USP15: variants seen among roughly 807,000 people sequenced by gnomAD.
The protein encoded by USP15 is ubiquitin carboxyl-terminal hydrolase 15.
USP15 carries 18 observed loss-of-function variants against 127.1 expected under a neutral mutation model. That is an observed-to-expected ratio of 0.14 (90% confidence interval 0.10 to 0.21). USP15 has a LOEUF of 0.21. Among genes scored for constraint, USP15 ranks in the 10% least tolerant of loss-of-function variants. USP15 has a pLI of 1.00. For synonymous variants in USP15, 364 were observed against 393.7 expected (o/e 0.92, Z 0.89); for missense variants, 805 against 1,159.9 (o/e 0.69, Z 4.44).
chr12:62,401,605 A>T (rs2067691141), intron 21 of USP15, among the ~76,000 whole-genome samples: 1 of 151,956 alleles, frequency 6.6e-6, no homozygotes, highest in East Asian at 1.9e-4. Flanking sequence ...TTAAAGCCAG[A>T]ATGTTTAAAC....
At chr12:62,372,968 T>TA (rs1243255873) in intron 8 of USP15, among the ~76,000 whole-genome samples, 1 of 152,122 alleles carries the variant, frequency 6.6e-6, no homozygotes, top group Non-Finnish European at 1.5e-5. Context: ...AATAGCCTGT[T>TA]ACTAAAAATA....
At chr12:62,280,471 G>A (rs2063615950) in intron 1 of USP15, among the ~76,000 whole-genome samples, 2 of 152,170 alleles carry the variant, frequency 1.3e-5, no homozygotes, top group South Asian at 2.1e-4. Context: ...GTACTGGCAG[G>A]TTCTGTGTCT....
At chr12:62,394,640 G>A (rs1332787224) in intron 19 of USP15, among the ~76,000 whole-genome samples, 1 of 152,070 alleles carries the variant, frequency 6.6e-6, no homozygotes, top group Non-Finnish European at 1.5e-5. Flanking sequence ...ACAAGGTCAG[G>A]AGAGCAAGAC....
At chr12:62,361,667 A>G (rs1377682608) in intron 8 of USP15, among the ~76,000 whole-genome samples, 2 of 152,002 alleles carry the variant, frequency 1.3e-5, no homozygotes, top group Admixed American at 6.6e-5. Context: ...AAGAAATGTC[A>G]ATCTGTAGTC....
chr12:62,395,107 G>C (rs2067446178), intron 19 of USP15, among the ~76,000 whole-genome samples: 1 of 152,000 alleles, frequency 6.6e-6, no homozygotes, highest in African/African-American at 2.4e-5. Context: ...AAAAATTAAG[G>C]TTTGATATAT....
intron 3 of USP15, among the ~76,000 whole-genome samples, chr12:62,307,132 A>G (rs947888404): frequency 6.6e-6 from 1 of 152,118 alleles, no homozygotes; most frequent in Non-Finnish European, 1.5e-5. Flanking sequence ...GGAGACCTAC[A>G]TTGTTTTCGA....
rs191981279 is a variant in USP15, at chr12:62,376,095, A to G, written c.916-5395A>G. Reference sequence around the variant, plus strand: ...ACCAGTCATTATATCATGGTTAGTGAGCTCCAAAAGTCTACCATATACTAA... The same window carrying G: ...ACCAGTCATTATATCATGGTTAGTGGGCTCCAAAAGTCTACCATATACTAA... On this transcript the variant is annotated intron_variant, in intron 8 of 21. Transcript: ENST00000280377. Among the ~76,000 whole-genome samples the G allele has an allele frequency of 2.0e-5, 3 of 152,246 alleles. No homozygotes were observed. In the East Asian group the frequency reaches 5.8e-4, roughly 29 times the overall value.
At chr12:62,336,565 A>G in intron 6 of USP15, 1 of 852,286 alleles carries the variant, frequency 1.2e-6, no homozygotes. Flanking sequence ...AATATTTGTC[A>G]TATTCGAAAT....
intron 1 of USP15, among the ~76,000 whole-genome samples, chr12:62,293,420 G>C (rs141668153): frequency 1.3e-5 from 2 of 152,026 alleles, no homozygotes; most frequent in Non-Finnish European, 2.9e-5. Context: ...GCAGTGGTGC[G>C]ATCCCGGCTC....
rs542431946 is a variant in USP15, at chr12:62,280,040, A to G, written c.90-14139A>G. On this transcript the variant is annotated intron_variant, in intron 1 of 21. Coordinates refer to ENST00000280377, the MANE Select transcript of USP15 (RefSeq NM_001252078.2). ...TGTGTGTATATATACTCCATCTGAA[A>G]TTAAGATAATAGTACCTACTTCATT... 3.3e-5 allele frequency among the ~76,000 whole-genome samples: 5 copies of G among 152,290 alleles called. No individual in the cohort carries two copies. The South Asian group carries it at 1.0e-3, about 32-fold the overall frequency.
At chr12:62,300,705 T>G (rs2064286662) in intron 2 of USP15, among the ~76,000 whole-genome samples, 1 of 152,136 alleles carries the variant, frequency 6.6e-6, no homozygotes, top group Admixed American at 6.5e-5. Flanking sequence ...GGATATCTGT[T>G]TGCAAAAAAC....
At chr12:62,403,132 A>G (rs754360912) in intron 21 of USP15, among the ~76,000 whole-genome samples, 12 of 152,060 alleles carry the variant, frequency 7.9e-5, no homozygotes, top group Admixed American at 6.6e-5. Flanking sequence ...GGAAATTTCC[A>G]TTAGGTTGTT....
chr12:62,298,479 A>G (rs2137173552), intron 2 of USP15, among the ~76,000 whole-genome samples: 1 of 152,254 alleles, frequency 6.6e-6, no homozygotes, highest in South Asian at 2.1e-4. Flanking sequence ...ATTCTGGCCA[A>G]CATGGTGAAA....
chr12:62,321,124 A>G (rs1161133092), intron 4 of USP15, among the ~76,000 whole-genome samples: 1 of 152,132 alleles, frequency 6.6e-6, no homozygotes, highest in East Asian at 1.9e-4. Flanking sequence ...TTTAATTTCT[A>G]ATTCCTACAT....
chr12:62,265,282 A>G (rs2063165840), intron 1 of USP15, among the ~76,000 whole-genome samples: 1 of 152,240 alleles, frequency 6.6e-6, no homozygotes, highest in African/African-American at 2.4e-5. Flanking sequence ...GTGTAACAAG[A>G]TAAAATCAGT....
chr12:62,325,780 A>T, intron 5 of USP15, 92 bp from the exon 6 acceptor site: 1 of 1,019,394 alleles, frequency 9.8e-7, no homozygotes, highest in Non-Finnish European at 1.4e-6. Context: ...TCACAGAGTT[A>T]CTTTAGTTTC....
intron 8 of USP15, among the ~76,000 whole-genome samples, chr12:62,380,206 A>G (rs1327591388): frequency 1.3e-5 from 2 of 151,754 alleles, no homozygotes; most frequent in Non-Finnish European, 2.9e-5. Context: ...CCAGGCTAGC[A>G]ATTTATAATA....
At position 62,407,683 on chromosome 12, in the gene USP15, C is replaced by G. The variant is rs1285737125; in HGVS notation, c.*3308C>G. On this transcript the variant is annotated 3_prime_UTR_variant, in exon 22 of 22. Coordinates refer to ENST00000280377, the MANE Select transcript of USP15 (RefSeq NM_001252078.2). ...CTTGTGTCCCCTTCTTTCCATTTCC[C>G]CAAATGCAACCCTGAATTTCAGGAC... 1 of 151,924 alleles carries G rather than the reference C, an allele frequency of 6.6e-6. No homozygotes were observed. Among genetic ancestry groups the G allele is most frequent in the Non-Finnish European group, 1.5e-5 (1 of 67,992 alleles). 9.4% of individuals were successfully genotyped at this position (151,924 alleles called of 1,614,324 possible).
At chr12:62,266,110 G>A (rs1343039167) in intron 1 of USP15, among the ~76,000 whole-genome samples, 1 of 152,132 alleles carries the variant, frequency 6.6e-6, no homozygotes, top group Non-Finnish European at 1.5e-5. Context: ...TGATCCACAA[G>A]TACATTCAGA....
Sources: gnomAD v4.1 joint callset for allele counts (sites outside exome capture counted in the v4.1 genomes callset) on GRCh38, gnomAD v4.1.1 for gene constraint, MANE v1.5 for transcripts, NCBI Gene and HGNC (gene_info 2026-07-23, HGNC 2026-07-21) for gene names.